Variants in BTBD9 observed in about 807,000 individuals in gnomAD.
The protein encoded by BTBD9 is BTB/POZ domain-containing protein 9.
BTBD9 carries 49 observed loss-of-function variants against 64.3 expected under a neutral mutation model. The observed-to-expected ratio is 0.76, with a 90% confidence interval of 0.61 to 0.97. The LOEUF is 0.97. Among genes scored for constraint, BTBD9 ranks in the 50% least tolerant of loss-of-function variants. The pLI, the probability that BTBD9 is intolerant of heterozygous loss-of-function variation, is 0.00. For synonymous variants in BTBD9, 260 were observed against 274.7 expected (o/e 0.95, Z 0.53); for missense variants, 598 against 762.1 (o/e 0.78, Z 2.53).
intron 8 of BTBD9, among the ~76,000 whole-genome samples, chr6:38,276,518 A>C (rs1761263513): frequency 6.6e-6 from 1 of 152,036 alleles, no homozygotes; most frequent in Admixed American, 6.6e-5. Context: ...ATAAAAAATA[A>C]AAAAAAGAAA....
At chr6:38,193,455 C>T (rs1455162688) in intron 9 of BTBD9, among the ~76,000 whole-genome samples, 1 of 152,192 alleles carries the variant, frequency 6.6e-6, no homozygotes, top group Non-Finnish European at 1.5e-5. Flanking sequence ...ACTGGCCTGA[C>T]TCTGTCTGGG....
chr6:38,537,200 C>T (rs1470782219), intron 6 of BTBD9, among the ~76,000 whole-genome samples: 1 of 152,008 alleles, frequency 6.6e-6, no homozygotes, highest in African/African-American at 2.4e-5. Context: ...GAGAATTATA[C>T]AGGAATTATG....
At chr6:38,526,814 T>C (rs927281770) in intron 6 of BTBD9, among the ~76,000 whole-genome samples, 1 of 152,200 alleles carries the variant, frequency 6.6e-6, no homozygotes, top group Non-Finnish European at 1.5e-5. Flanking sequence ...TGTATCCCCA[T>C]TGTATCTAGG....
chr6:38,510,035 C>G (rs1411878963), intron 6 of BTBD9, among the ~76,000 whole-genome samples: 1 of 152,202 alleles, frequency 6.6e-6, no homozygotes, highest in East Asian at 1.9e-4. Context: ...AGCACTAGCA[C>G]CACCAAAAAA....
At chr6:38,403,237 C>T (rs985111636) in intron 6 of BTBD9, among the ~76,000 whole-genome samples, 5 of 152,094 alleles carry the variant, frequency 3.3e-5, no homozygotes, top group African/African-American at 1.2e-4. Flanking sequence ...AGGACATTAT[C>T]AAGAAAGCAA....
At chr6:38,546,005 A>G (rs1033218725) in intron 6 of BTBD9, among the ~76,000 whole-genome samples, 9 of 152,104 alleles carry the variant, frequency 5.9e-5, no homozygotes, top group Non-Finnish European at 1.2e-4. Flanking sequence ...GATGGCTTGC[A>G]TCAGGTAGTA....
chr6:38,615,386 A>C (rs1466562555), intron 1 of BTBD9, among the ~76,000 whole-genome samples: 1 of 152,084 alleles, frequency 6.6e-6, no homozygotes, highest in Admixed American at 6.5e-5. Context: ...TTCCTATCTC[A>C]TGCTGAATAA....
chr6:38,515,339 C>G lies in BTBD9; in HGVS notation c.1154+62261G>C, dbSNP rs554874666. Among the ~76,000 whole-genome samples, 102 of 152,302 alleles carry G rather than the reference C, an allele frequency of 6.7e-4. 2 individuals are homozygous for G. The highest frequency in any genetic ancestry group is 5.1e-3 in the Admixed American group (78 of 15,300). ...AACATTTCCTCTTACATCATGACAACTTCATACAAACAGAGCCTGGGGCAG... is the reference window on the plus strand; with the variant it reads ...AACATTTCCTCTTACATCATGACAAGTTCATACAAACAGAGCCTGGGGCAG... On this transcript the variant is annotated intron_variant, in intron 6 of 10. Transcript: ENST00000481247.
At chr6:38,519,887 T>C (rs980587453) in intron 6 of BTBD9, among the ~76,000 whole-genome samples, 2 of 152,200 alleles carry the variant, frequency 1.3e-5, no homozygotes, top group Non-Finnish European at 2.9e-5. Context: ...ACTAACATAC[T>C]AGCCTAAGGC....
chr6:38,441,975 T>C (rs138630978), intron 6 of BTBD9, among the ~76,000 whole-genome samples: 41 of 152,302 alleles, frequency 2.7e-4, no homozygotes, highest in African/African-American at 8.7e-4. Flanking sequence ...CTCTGATGCA[T>C]GAAGCCTTCC....
chr6:38,311,664 T>G (rs1762840236), intron 7 of BTBD9, among the ~76,000 whole-genome samples: 1 of 152,214 alleles, frequency 6.6e-6, no homozygotes, highest in South Asian at 2.1e-4. Flanking sequence ...CAAACTGTTC[T>G]CCATAGTGGT....
intron 6 of BTBD9, among the ~76,000 whole-genome samples, chr6:38,509,229 A>G (rs6938737): frequency 0.85 from 128,697 of 152,192 alleles, 56,432 homozygotes; most frequent in Non-Finnish European, 0.97. Flanking sequence ...CTCAAGAACA[A>G]GTTTGGATGT....
chr6:38,272,547 C>T (rs1433016667), intron 8 of BTBD9, among the ~76,000 whole-genome samples: 1 of 152,122 alleles, frequency 6.6e-6, no homozygotes, highest in South Asian at 2.1e-4. Flanking sequence ...CTGTTAAACA[C>T]GTTCTTCTCA....
At chr6:38,518,630 T>G (rs1327939363) in intron 6 of BTBD9, among the ~76,000 whole-genome samples, 1 of 152,208 alleles carries the variant, frequency 6.6e-6, no homozygotes, top group East Asian at 1.9e-4. Flanking sequence ...GACAATATCA[T>G]TAAGCCACCA....
chr6:38,570,931 T>C (rs754169831), intron 6 of BTBD9, among the ~76,000 whole-genome samples: 24 of 152,360 alleles, frequency 1.6e-4, no homozygotes, highest in Non-Finnish European at 2.8e-4. Flanking sequence ...AAATTCTCTT[T>C]AGCTTCGAGT....
intron 10 of BTBD9, among the ~76,000 whole-genome samples, chr6:38,186,349 T>C (rs1761817822): frequency 6.6e-6 from 1 of 152,238 alleles, no homozygotes; most frequent in Non-Finnish European, 1.5e-5. Context: ...TTGTAATTAA[T>C]AATAATGATG....
At chr6:38,198,832 C>T (rs1042309894) in intron 9 of BTBD9, among the ~76,000 whole-genome samples, 3 of 152,142 alleles carry the variant, frequency 2.0e-5, no homozygotes, top group Non-Finnish European at 4.4e-5. Context: ...TACATGCAGA[C>T]ACATGCATGA....
intron 1 of BTBD9, among the ~76,000 whole-genome samples, chr6:38,612,148 G>A (rs1777635322): frequency 6.6e-6 from 1 of 152,150 alleles, no homozygotes; most frequent in African/African-American, 2.4e-5. Flanking sequence ...CACAGGAAGG[G>A]TAGGACTCTG....
chr6:38,228,167 G>A (rs1763466580), intron 9 of BTBD9, among the ~76,000 whole-genome samples: 2 of 151,532 alleles, frequency 1.3e-5, no homozygotes, highest in Non-Finnish European at 2.9e-5. Context: ...TTTGAGACCA[G>A]CCTGGGCAAA....
Sources: allele counts gnomAD v4.1 joint callset (sites outside exome capture counted in the v4.1 genomes callset), GRCh38; gene constraint gnomAD v4.1.1; transcripts MANE v1.5; gene names NCBI Gene and HGNC (gene_info 2026-07-23, HGNC 2026-07-21).